TENM2: variants seen among roughly 807,000 people sequenced by gnomAD.
TENM2 encodes the protein teneurin-2.
Under a neutral mutation model 245.2 loss-of-function variants are expected in TENM2, and 52 were observed. The ratio of observed to expected loss-of-function variants is 0.21; its 90% CI spans 0.17 to 0.27. TENM2 has a LOEUF of 0.27. Ranked by LOEUF, TENM2 falls within the 10% of genes least tolerant of loss-of-function variation. The pLI is 1.00. For synonymous variants in TENM2, 1,363 were observed against 1,438.9 expected, an observed-to-expected ratio of 0.95 and a Z score of 1.19; for missense variants, 3,046 against 3,666.8, an observed-to-expected ratio of 0.83 and a Z score of 4.37.
chr5:167,249,946 G>C, the TENM2 span, among the ~76,000 whole-genome samples: 1 of 152,132 alleles, frequency 6.6e-6, no homozygotes, highest in Admixed American at 6.6e-5. Flanking sequence ...CTCTGACTGT[G>C]AACAGGGCTA....
chr5:167,445,493 A>G (rs1004399190), intron 2 of TENM2, among the ~76,000 whole-genome samples: 1 of 152,094 alleles, frequency 6.6e-6, no homozygotes, highest in Non-Finnish European at 1.5e-5. Flanking sequence ...TCAAAGCCGC[A>G]TAGCAATTTT....
intron 2 of TENM2, among the ~76,000 whole-genome samples, chr5:167,828,151 T>A (rs550681558): frequency 1.3e-5 from 2 of 152,314 alleles, no homozygotes; most frequent in African/African-American, 4.8e-5. Context: ...TAGATCCCAT[T>A]ATCATCACCG....
At chr5:167,215,522 T>C in the TENM2 span, among the ~76,000 whole-genome samples, 3 of 152,150 alleles carry the variant, frequency 2.0e-5, no homozygotes, top group African/African-American at 7.2e-5. Context: ...GCAGCAACCA[T>C]ATACTGAGCC....
At chr5:167,455,626 A>T (rs997752677) in intron 2 of TENM2, among the ~76,000 whole-genome samples, 1 of 152,140 alleles carries the variant, frequency 6.6e-6, no homozygotes, top group Non-Finnish European at 1.5e-5. Context: ...TAAATAAGTT[A>T]ACTGAATATG....
chr5:167,281,085 A>AT (rs1220219566), upstream of TENM2, among the ~76,000 whole-genome samples: 1 of 150,924 alleles, frequency 6.6e-6, no homozygotes, highest in Non-Finnish European at 1.5e-5. Flanking sequence ...TAATTCTTCC[A>AT]TTTTGTCTTT....
chr5:168,204,566 A>G, exon 19 of TENM2: 1 of 1,613,946 alleles, frequency 6.2e-7, no homozygotes, highest in Non-Finnish European at 8.5e-7. Flanking sequence ...GGGTGACTTC[A>G]ATTACATCCG....
chr5:168,075,049 A>C (rs373959387), intron 7 of TENM2, among the ~76,000 whole-genome samples: 2 of 152,128 alleles, frequency 1.3e-5, no homozygotes, highest in South Asian at 2.1e-4. Flanking sequence ...AGCAGTGTAC[A>C]CTGTACCCAA....
intron 2 of TENM2, among the ~76,000 whole-genome samples, chr5:167,757,006 G>A (rs1321603667): frequency 6.6e-6 from 1 of 151,128 alleles, no homozygotes; most frequent in Non-Finnish European, 1.5e-5. Flanking sequence ...ATGCTTGGCA[G>A]TACTTTCTCA....
intron 2 of TENM2, among the ~76,000 whole-genome samples, chr5:167,633,928 A>G (rs1779029756): frequency 6.6e-6 from 1 of 152,162 alleles, no homozygotes; most frequent in African/African-American, 2.4e-5. Flanking sequence ...CAAGAGAGAA[A>G]TTTCCTTCTG....
chr5:168,086,362 C>A (rs1377392674), intron 7 of TENM2, among the ~76,000 whole-genome samples: 3 of 152,196 alleles, frequency 2.0e-5, no homozygotes, highest in African/African-American at 7.2e-5. Flanking sequence ...TATTTCTTTG[C>A]CTCTCGAGCT....
chr5:167,330,807 A>T (rs1195465895), intron 1 of TENM2, among the ~76,000 whole-genome samples: 1 of 152,158 alleles, frequency 6.6e-6, no homozygotes, highest in Non-Finnish European at 1.5e-5. Flanking sequence ...TAACGTTCTT[A>T]TGTTTGTAGC....
intron 3 of TENM2, among the ~76,000 whole-genome samples, chr5:167,943,531 C>T (rs979628408): frequency 1.3e-5 from 2 of 152,080 alleles, no homozygotes; most frequent in East Asian, 3.9e-4. Context: ...CTTTGAAAAA[C>T]ATATTATCTT....
the TENM2 span, among the ~76,000 whole-genome samples, chr5:167,120,687 A>G: frequency 6.6e-6 from 1 of 152,204 alleles, no homozygotes; most frequent in Admixed American, 6.5e-5. Context: ...TCAATGTGTT[A>G]TCTTTGGTTC....
chr5:167,183,872 C>A, the TENM2 span, among the ~76,000 whole-genome samples: 1 of 152,122 alleles, frequency 6.6e-6, no homozygotes, highest in Non-Finnish European at 1.5e-5. Context: ...TTTACTACAA[C>A]TACTATGGTA....
chr5:167,137,358 T>G, the TENM2 span, among the ~76,000 whole-genome samples: 1 of 152,190 alleles, frequency 6.6e-6, no homozygotes. Context: ...TTATGATACA[T>G]TTCATAAGAA....
chr5:168,122,804 G>A (rs888242740), intron 10 of TENM2, among the ~76,000 whole-genome samples: 1 of 151,874 alleles, frequency 6.6e-6, no homozygotes, highest in Admixed American at 6.6e-5. Flanking sequence ...TATCCAAATG[G>A]GATCGTGAGA....
At chr5:167,810,223 A>G (rs946721983) in intron 2 of TENM2, among the ~76,000 whole-genome samples, 3 of 152,098 alleles carry the variant, frequency 2.0e-5, no homozygotes, top group African/African-American at 4.8e-5. Flanking sequence ...ATACTCTGGG[A>G]GAAAAAGAAG....
At chr5:167,520,417 G>A (rs1229742849) in intron 2 of TENM2, among the ~76,000 whole-genome samples, 1 of 152,084 alleles carries the variant, frequency 6.6e-6, no homozygotes, top group Non-Finnish European at 1.5e-5. Context: ...CATATTTTTA[G>A]TTAATCTTCC....
chr5:167,959,840 A>C (rs904604212), intron 4 of TENM2, among the ~76,000 whole-genome samples: 3 of 152,132 alleles, frequency 2.0e-5, no homozygotes, highest in Non-Finnish European at 4.4e-5. Context: ...GTGTGGATTT[A>C]TCTACCTTTG....
Sources: gnomAD v4.1 joint callset for allele counts (sites outside exome capture counted in the v4.1 genomes callset) on GRCh38, gnomAD v4.1.1 for gene constraint, MANE v1.5 for transcripts, NCBI Gene and HGNC (gene_info 2026-07-23, HGNC 2026-07-21) for gene names.